Variants in GPC5 observed in about 807,000 individuals in gnomAD.
The protein encoded by GPC5 is glypican 5, also known as glypican-5.
In GPC5, 47 loss-of-function variants were observed where a neutral mutation model predicts 53.9. That is an observed-to-expected ratio of 0.87 (90% confidence interval 0.69 to 1.11). The LOEUF is 1.11. Among genes scored for constraint, GPC5 ranks in the 50% most tolerant of loss-of-function variants. GPC5 has a pLI of 0.00. For synonymous variants in GPC5, 286 were observed against 263.3 expected (o/e 1.09, Z -0.84); for missense variants, 748 against 713.1 (o/e 1.05, Z -0.56).
chr13:91,624,590 A>G (rs1321199663), intron 2 of GPC5, among the ~76,000 whole-genome samples: 1 of 152,100 alleles, frequency 6.6e-6, no homozygotes, highest in Non-Finnish European at 1.5e-5. Context: ...AAAGTAGAAC[A>G]TATTTTATAT....
At chr13:92,630,829 C>A in intron 7 of GPC5, among the ~76,000 whole-genome samples, 1 of 152,152 alleles carries the variant, frequency 6.6e-6, no homozygotes, top group Non-Finnish European at 1.5e-5. Context: ...TCCTTATATA[C>A]TTATCCATCT....
chr13:91,736,231 A>G (rs2036812254), intron 4 of GPC5, among the ~76,000 whole-genome samples: 3 of 151,408 alleles, frequency 2.0e-5, no homozygotes, highest in African/African-American at 7.4e-5. Flanking sequence ...ATAGTATGGC[A>G]GGAATTGAGG....
At chr13:92,834,388 C>A (rs1878155266) in intron 7 of GPC5, among the ~76,000 whole-genome samples, 1 of 152,052 alleles carries the variant, frequency 6.6e-6, no homozygotes, top group Non-Finnish European at 1.5e-5. Context: ...GGTATTGTTA[C>A]ACAATTCATC....
At chr13:92,184,773 G>A (rs958962575) in intron 7 of GPC5, among the ~76,000 whole-genome samples, 1 of 151,948 alleles carries the variant, frequency 6.6e-6, no homozygotes, top group South Asian at 2.1e-4. Context: ...CATTTTTAAG[G>A]TATCTACTCA....
intron 2 of GPC5, among the ~76,000 whole-genome samples, chr13:91,526,497 TAG>T (rs1886092620): frequency 6.6e-6 from 1 of 152,180 alleles, no homozygotes; most frequent in South Asian, 2.1e-4. Context: ...AAAAACTGGT[TAG>T]AGAGAACTAG....
intron 6 of GPC5, among the ~76,000 whole-genome samples, chr13:92,033,072 T>C (rs967570935): frequency 5.9e-5 from 9 of 151,440 alleles, no homozygotes; most frequent in African/African-American, 1.7e-4. Context: ...TGTGTGTGTG[T>C]GTGCTTCTCA....
In GPC5 at chr13:92,523,799, G is replaced by C. The variant is rs1013125522; in HGVS notation, c.1562-342483G>C. Among the ~76,000 whole-genome samples, 4 of 151,352 alleles carry C rather than the reference G, an allele frequency of 2.6e-5. No individual in the cohort carries two copies. The Admixed American group carries it at 2.7e-4, about 10-fold the overall frequency. On this transcript the variant is annotated intron_variant, in intron 7 of 7. Coordinates refer to ENST00000377067, the MANE Select transcript of GPC5 (RefSeq NM_004466.6). Reference sequence around the variant, plus strand: ...ATTTGAATTAATATTTTACAAGGCAGCTGTGTCAATTACATCACACAAGTT... The same window carrying C: ...ATTTGAATTAATATTTTACAAGGCACCTGTGTCAATTACATCACACAAGTT...
At chr13:91,699,138 G>A (rs1486628986) in intron 3 of GPC5, among the ~76,000 whole-genome samples, 1 of 152,204 alleles carries the variant, frequency 6.6e-6, no homozygotes, top group African/African-American at 2.4e-5. Flanking sequence ...GTGTTCTTTT[G>A]AGCATGACTC....
At chr13:92,620,132 A>G (rs1335794073) in intron 7 of GPC5, among the ~76,000 whole-genome samples, 2 of 152,070 alleles carry the variant, frequency 1.3e-5, no homozygotes, top group African/African-American at 4.8e-5. Flanking sequence ...AATCTTTTTA[A>G]TTTTTTAAAT....
intron 6 of GPC5, among the ~76,000 whole-genome samples, chr13:91,922,573 T>C (rs1200481369): frequency 1.3e-5 from 2 of 152,234 alleles, no homozygotes; most frequent in African/African-American, 4.8e-5. Flanking sequence ...CTGTAACTCT[T>C]AGTCATTCGT....
At chr13:91,545,671 T>C (rs1371145888) in intron 2 of GPC5, among the ~76,000 whole-genome samples, 1 of 152,060 alleles carries the variant, frequency 6.6e-6, no homozygotes, top group African/African-American at 2.4e-5. Flanking sequence ...TTGACTAAAA[T>C]TTTTATGCCT....
chr13:92,698,883 T>G (rs553329447), intron 7 of GPC5, among the ~76,000 whole-genome samples: 1 of 152,286 alleles, frequency 6.6e-6, no homozygotes, highest in South Asian at 2.1e-4. Context: ...TAGTATCTCA[T>G]TGTGGTTTTG....
chr13:91,967,936 T>A (rs2040196380), intron 6 of GPC5, among the ~76,000 whole-genome samples: 1 of 152,116 alleles, frequency 6.6e-6, no homozygotes, highest in Admixed American at 6.5e-5. Context: ...TCAATATTTT[T>A]AAAATGTGTA....
chr13:91,476,379 G>T (rs1346058583), intron 2 of GPC5, among the ~76,000 whole-genome samples: 1 of 152,180 alleles, frequency 6.6e-6, no homozygotes, highest in Non-Finnish European at 1.5e-5. Context: ...ACTTCACCCA[G>T]TGTTACATTG....
At chr13:91,928,478 A>G (rs960953219) in intron 6 of GPC5, among the ~76,000 whole-genome samples, 2 of 152,166 alleles carry the variant, frequency 1.3e-5, no homozygotes, top group African/African-American at 2.4e-5. Context: ...GCCAGAATGA[A>G]AAGTCCTAAA....
chr13:92,321,125 C>T (rs2043212898), intron 7 of GPC5, among the ~76,000 whole-genome samples: 1 of 152,060 alleles, frequency 6.6e-6, no homozygotes, highest in Admixed American at 6.6e-5. Flanking sequence ...ATGGTGATGG[C>T]TTGACAAGAT....
At chr13:92,546,862 C>T (rs565971005) in intron 7 of GPC5, among the ~76,000 whole-genome samples, 12 of 152,132 alleles carry the variant, frequency 7.9e-5, no homozygotes, top group Non-Finnish European at 1.3e-4. Flanking sequence ...GAAATAATGC[C>T]GCATATCTAC....
chr13:91,716,876 A>G (rs1359396730), intron 3 of GPC5, among the ~76,000 whole-genome samples: 1 of 152,246 alleles, frequency 6.6e-6, no homozygotes, highest in Non-Finnish European at 1.5e-5. Flanking sequence ...CAAATGAGTT[A>G]TTGAGAACAA....
intron 7 of GPC5, among the ~76,000 whole-genome samples, chr13:92,283,224 G>T (rs1170693250): frequency 6.6e-6 from 1 of 152,150 alleles, no homozygotes; most frequent in Non-Finnish European, 1.5e-5. Context: ...CAATACAGGA[G>T]TAACCAGATT....
Sources: gnomAD v4.1 joint callset for allele counts (sites outside exome capture counted in the v4.1 genomes callset) on GRCh38, gnomAD v4.1.1 for gene constraint, MANE v1.5 for transcripts, NCBI Gene and HGNC (gene_info 2026-07-23, HGNC 2026-07-21) for gene names.